TOP3B: variants seen among roughly 807,000 people sequenced by gnomAD.
The protein encoded by TOP3B is DNA topoisomerase 3-beta-1.
In TOP3B, 45 loss-of-function variants were observed where a neutral mutation model predicts 93.9. The observed-to-expected ratio is 0.48, with a 90% CI of 0.38 to 0.61. The LOEUF is 0.61. Among genes scored for constraint, TOP3B ranks in the 20% least tolerant of loss-of-function variants. The probability of loss-of-function intolerance (pLI) is 0.00; values close to 1 mark genes in which losing one functional copy is unlikely to be tolerated. For missense variants in TOP3B, 750 were observed against 1,156.1 expected (o/e 0.65, Z 5.09); for synonymous variants, 357 against 472.6 (o/e 0.76, Z 3.17).
rs116017020 is a variant in TOP3B at position 21,964,288 on chromosome 22, G to A, written c.971C>T (p.Thr324Met). 92 of 1,614,030 alleles carry A rather than the reference G, an allele frequency of 5.7e-5. No individual in the cohort carries two copies. Among genetic ancestry groups the A allele is most frequent in the East Asian group, 2.9e-4 (13 of 44,886 alleles). ...LGMGPQHAMQ[T>M]AERLYTQGYI... Reference sequence around the variant, plus strand: ...GCCTTGCGTGTAGAGCCGCTCAGCCGTCTGCATGGCGTGCTGCGGCCCCAT... The same window carrying A: ...GCCTTGCGTGTAGAGCCGCTCAGCCATCTGCATGGCGTGCTGCGGCCCCAT... Residue 324 changes from threonine (T) to methionine (M), a missense_variant, in exon 10 of 18, where the codon ACG (threonine) becomes ATG (methionine). Physicochemically the swap from Thr to Met is moderately conservative, Grantham distance 81. Transcript: ENST00000357179.
chr22:21,958,313 C>T lies in TOP3B; in HGVS notation c.2107+179G>A, dbSNP rs1161027004. 9.7e-6 allele frequency: 14 copies of T among 1,447,298 alleles called. No homozygotes were observed. The East Asian group carries it at 3.6e-4, about 37-fold the overall frequency. 89.7% of individuals were successfully genotyped at this position (1,447,298 alleles called of 1,614,324 possible). On this transcript the variant is annotated intron_variant, in intron 17 of 17. Coordinates refer to ENST00000357179, the MANE Select transcript of TOP3B (RefSeq NM_001282112.2). ...TTCTGACACAGAGAGAGGGTGGCAC[C>T]ACTGGCTGAGGCCTAAGCAGTGCCC... is the stretch of plus-strand genomic sequence containing the variant.
Position 21,971,008 on chromosome 22 carries a change from C to T in TOP3B, c.385-602G>A, listed in dbSNP as rs961279188. ...GAAGGCCGTGCAGTGGGACTAGGGT[C>T]GCCGCCGGAGCCTGGCCACGCAGCT... On this transcript the variant is annotated intron_variant, in intron 5 of 17. Coordinates refer to ENST00000357179, the MANE Select transcript of TOP3B (RefSeq NM_001282112.2). This position sits in a 1 kb window ranked among gnomAD's most constrained non-coding sequence, Gnocchi z 4.6. 2.0e-5 allele frequency: 26 copies of T among 1,296,572 alleles called. No individual in the cohort carries two copies. The highest frequency in any genetic ancestry group is 5.0e-5 in the South Asian group (4 of 80,530). The allele number at this position is 1,296,572 out of a possible 1,614,324, so 80.3% of individuals were successfully genotyped here. A position where few individuals can be genotyped will look rare whatever the true frequency, so the allele number is the denominator to read the frequency against.
chr22:21,971,816 T>C lies in TOP3B; in HGVS notation c.384+61A>G. 1 of 1,499,612 alleles carries C rather than the reference T, an allele frequency of 6.7e-7. No homozygotes were observed. The highest frequency in any genetic ancestry group is 9.3e-7 in the Non-Finnish European group (1 of 1,076,382). 92.9% of individuals were successfully genotyped at this position (1,499,612 alleles called of 1,614,324 possible). A position where few individuals can be genotyped will look rare whatever the true frequency, so the allele number is the denominator to read the frequency against. Reference sequence around the variant, plus strand: ...GGAGTGATGTGACTGACTGCTGGTGTCAGTTTGGGGCTGGTGTCAGAAAGG... The same window carrying C: ...GGAGTGATGTGACTGACTGCTGGTGCCAGTTTGGGGCTGGTGTCAGAAAGG... On this transcript the variant is annotated intron_variant, in intron 5 of 17. Coordinates refer to ENST00000357179, the MANE Select transcript of TOP3B (RefSeq NM_001282112.2). This position sits in a 1 kb window ranked among gnomAD's most constrained non-coding sequence, Gnocchi z 4.6.
At chr22:21,980,747 G>A (rs2084613053) in intron 1 of TOP3B, among the ~76,000 whole-genome samples, 2 of 152,192 alleles carry the variant, frequency 1.3e-5, no homozygotes, top group Non-Finnish European at 2.9e-5. Context: ...GCAGGCTTCG[G>A]CCTAGGCCAC....
At chr22:21,967,497 G>T in intron 8 of TOP3B, 106 bp downstream of exon 8, 1 of 836,634 alleles carries the variant, frequency 1.2e-6, no homozygotes. Context: ...TCAGAAAGGG[G>T]GAGAAAGACG....
chr22:21,971,225 T>C lies in TOP3B; in HGVS notation c.384+652A>G. 1 of 346,528 alleles carries C rather than the reference T, an allele frequency of 2.9e-6. No individual in the cohort carries two copies. The highest frequency in any genetic ancestry group is 9.3e-4 in the Middle Eastern group (1 of 1,074). 21.5% of individuals were successfully genotyped at this position (346,528 alleles called of 1,614,324 possible). A position where few individuals can be genotyped will look rare whatever the true frequency, so the allele number is the denominator to read the frequency against. ...ACTGCAACGCCAGGTGCCTCAGCTC[T>C]GTCTCACTGACCAGCTCTTGAGCCA... On this transcript the variant is annotated intron_variant, in intron 5 of 17. Transcript: ENST00000357179. The surrounding 1 kb of genome is among the most constrained non-coding windows in gnomAD (Gnocchi z 4.6).
chr22:21,967,791 A>G (rs546167511), intron 7 of TOP3B, 75 bp from the exon 8 acceptor site: 99 of 1,173,254 alleles, frequency 8.4e-5, no homozygotes, highest in Admixed American at 3.0e-4. Flanking sequence ...AAGAACCAGG[A>G]CAGATGAAGC....
Position 21,970,076 on chromosome 22 carries a change from A to T in TOP3B, c.581+134T>A. On this transcript the variant is annotated intron_variant, in intron 6 of 17. Coordinates refer to ENST00000357179, the MANE Select transcript of TOP3B (RefSeq NM_001282112.2). This position sits in a 1 kb window ranked among gnomAD's most constrained non-coding sequence, Gnocchi z 4.4. Reference sequence around the variant, plus strand: ...TTAGCCACTGTGCCTGGCCTTCTTCAGGGTTGGTGAAATCCCCTGTTGCTC... The same window carrying T: ...TTAGCCACTGTGCCTGGCCTTCTTCTGGGTTGGTGAAATCCCCTGTTGCTC... 1.1e-6 allele frequency: 1 copy of T among 935,644 alleles called. No individual in the cohort carries two copies. Among genetic ancestry groups the T allele is most frequent in the Non-Finnish European group, 1.6e-6 (1 of 630,462 alleles). The allele number at this position is 935,644 out of a possible 1,614,324, so 58.0% of individuals were successfully genotyped here.
chr22:21,960,500 C>T (rs757303707), intron 13 of TOP3B, 51 bp from the exon 14 acceptor site: 4 of 1,608,564 alleles, frequency 2.5e-6, no homozygotes, highest in Non-Finnish European at 2.5e-6. Flanking sequence ...ACATGCCCCA[C>T]TGAACCATGT....
chr22:21,979,895 T>C (rs1001147676), intron 1 of TOP3B, among the ~76,000 whole-genome samples: 8 of 133,668 alleles, frequency 6.0e-5, no homozygotes, highest in Non-Finnish European at 9.4e-5. Flanking sequence ...GAGCCGAGAT[T>C]GCGCCACTGC....
Position 21,963,726 on chromosome 22 carries a change from C to G in TOP3B, c.1204+197G>C. 1.7e-6 allele frequency: 1 copy of G among 598,660 alleles called. No individual in the cohort carries two copies. The highest frequency in any genetic ancestry group is 2.9e-6 in the Non-Finnish European group (1 of 341,086). The allele number at this position is 598,660 out of a possible 1,614,324, so 37.1% of individuals were successfully genotyped here. On this transcript the variant is annotated intron_variant, in intron 11 of 17. Coordinates refer to ENST00000357179, the MANE Select transcript of TOP3B (RefSeq NM_001282112.2). This position sits in a 1 kb window ranked among gnomAD's most constrained non-coding sequence, Gnocchi z 4.8. ...CTGCCCCCTTGCCTCCCTGCAACAG[C>G]ACCTGCTGCTACCTCTTCACTCCTG...
chr22:21,980,338 C>A (rs1013349806), intron 1 of TOP3B, among the ~76,000 whole-genome samples: 7 of 152,178 alleles, frequency 4.6e-5, no homozygotes, highest in South Asian at 2.1e-4. Context: ...TACAATAAAA[C>A]CAGAAAAATA....
At chr22:21,978,773 T>C (rs1057417394) in intron 1 of TOP3B, among the ~76,000 whole-genome samples, 21 of 152,264 alleles carry the variant, frequency 1.4e-4, no homozygotes, top group African/African-American at 5.1e-4. Flanking sequence ...GAGTGACAGA[T>C]GAAAGCTGCA....
intron 1 of TOP3B, among the ~76,000 whole-genome samples, chr22:21,978,013 A>AG (rs1426926794): frequency 1.3e-5 from 2 of 151,574 alleles, no homozygotes; most frequent in Non-Finnish European, 2.9e-5. Context: ...ATGGCTGGGC[A>AG]GGGGGGCTCA....
chr22:21,964,299 G>A lies in TOP3B; in HGVS notation c.960C>T (p.His320=), dbSNP rs9610729. 178,399 of 1,613,540 alleles carry A rather than the reference G, an allele frequency of 0.11. 10,419 individuals carry two copies. The highest frequency in any genetic ancestry group is 0.12 in the Non-Finnish European group (139,666 of 1,179,918). Residue 320 remains histidine (H), a synonymous_variant, in exon 10 of 18, where the codon CAC becomes CAT. Coordinates refer to ENST00000357179, the MANE Select transcript of TOP3B (RefSeq NM_001282112.2). The stretch of plus-strand genomic sequence containing the variant: ...AGAGCCGCTCAGCCGTCTGCATGGC[G>A]TGCTGCGGCCCCATGCCTGCGAGAG... The part of the protein sequence containing the change: ...ASSSLGMGPQ[H]AMQTAERLYT...
chr22:21,972,501 A>AGGGC (rs1330882606), intron 4 of TOP3B, 111 bp downstream of exon 4: 1 of 792,582 alleles, frequency 1.3e-6, no homozygotes, highest in Non-Finnish European at 2.0e-6. Context: ...AAGCTAGCAA[A>AGGGC]GGCCCCCCTG....
intron 3 of TOP3B, 63 bp downstream of exon 3, chr22:21,974,294 A>G (rs1018995103): frequency 7.7e-6 from 12 of 1,562,138 alleles, no homozygotes; most frequent in Non-Finnish European, 1.0e-5. Context: ...CCTGGCTTCA[A>G]CTGGACCCTG....
chr22:21,972,874 G>A, intron 3 of TOP3B, 156 bp from the exon 4 acceptor site: 1 of 652,412 alleles, frequency 1.5e-6, no homozygotes, highest in South Asian at 1.8e-5. Flanking sequence ...GCAGAGCCAG[G>A]ATGTGGGTTC....
rs759998836 is a variant in TOP3B, at chr22:21,963,902, G to A, written c.1204+21C>T. 8 of 1,611,204 alleles carry A rather than the reference G, an allele frequency of 5.0e-6. No homozygotes were observed. The African/African-American group carries it at 6.7e-5, about 13-fold the overall frequency. On this transcript the variant is annotated intron_variant, in intron 11 of 17. Coordinates refer to ENST00000357179, the MANE Select transcript of TOP3B (RefSeq NM_001282112.2). The surrounding 1 kb of genome is among the most constrained non-coding windows in gnomAD (Gnocchi z 4.8). ...CCCTTCCCTCCCTGGAAGCACACCGGGTATGGGATGAGAGCGGTACCTAAT... is the reference window on the plus strand; with the variant it reads ...CCCTTCCCTCCCTGGAAGCACACCGAGTATGGGATGAGAGCGGTACCTAAT...
Sources: allele counts gnomAD v4.1 joint callset (sites outside exome capture counted in the v4.1 genomes callset), GRCh38; gene constraint gnomAD v4.1.1; non-coding constraint Gnocchi (gnomAD v3.1); transcripts MANE v1.5; gene names NCBI Gene and HGNC (gene_info 2026-07-23, HGNC 2026-07-21).